Variants in PDE4D observed in about 807,000 individuals in gnomAD.
The protein encoded by PDE4D is 3',5'-cyclic-AMP phosphodiesterase 4D.
In PDE4D, 24 loss-of-function variants were observed where a neutral mutation model predicts 87.4. The observed-to-expected ratio is 0.27, with a 90% CI of 0.20 to 0.39. PDE4D has a LOEUF of 0.39. Ranked by LOEUF, PDE4D falls within the 10% of genes least tolerant of loss-of-function variation. The pLI, the probability that PDE4D is intolerant of heterozygous loss-of-function variation, is 1.00. For synonymous variants in PDE4D, 384 were observed against 383.2 expected, an observed-to-expected ratio of 1.00 and a Z score of -0.02; for missense variants, 714 against 1,041.0, an observed-to-expected ratio of 0.69 and a Z score of 4.32.
intron 5 of PDE4D, among the ~76,000 whole-genome samples, chr5:59,121,193 T>C (rs1774438989): frequency 1.3e-5 from 2 of 152,092 alleles, no homozygotes; most frequent in South Asian, 4.1e-4. Context: ...CAAAAATAGA[T>C]AAATGGGGCT....
intron 1 of PDE4D, among the ~76,000 whole-genome samples, chr5:60,462,989 C>T (rs538413214): frequency 6.3e-4 from 96 of 152,132 alleles, no homozygotes; most frequent in African/African-American, 2.3e-3. Context: ...GGTTGACATT[C>T]CAAATAAAAG....
intron 1 of PDE4D, among the ~76,000 whole-genome samples, chr5:60,318,880 G>A (rs544921635): frequency 6.6e-6 from 1 of 152,266 alleles, no homozygotes; most frequent in East Asian, 1.9e-4. Context: ...GCTTCCCTTT[G>A]TGGGTAACCC....
intron 2 of PDE4D, among the ~76,000 whole-genome samples, chr5:60,067,044 G>C (rs1230710601): frequency 6.6e-6 from 1 of 152,034 alleles, no homozygotes; most frequent in Non-Finnish European, 1.5e-5. Context: ...ACAAGCAATA[G>C]AAAGATAGCA....
At chr5:59,170,586 C>T (rs960925633) in intron 5 of PDE4D, among the ~76,000 whole-genome samples, 7 of 152,152 alleles carry the variant, frequency 4.6e-5, no homozygotes, top group African/African-American at 1.4e-4. Flanking sequence ...TCTACCTTTG[C>T]TAACTACTGG....
intron 2 of PDE4D, among the ~76,000 whole-genome samples, chr5:59,206,303 T>A (rs562276657): frequency 6.6e-6 from 1 of 152,330 alleles, no homozygotes; most frequent in Non-Finnish European, 1.5e-5. Flanking sequence ...GTCTGCTTGA[T>A]GCTTTCTTTC....
chr5:59,118,679 T>C (rs1020623688), intron 5 of PDE4D, among the ~76,000 whole-genome samples: 6 of 152,178 alleles, frequency 3.9e-5, no homozygotes. Context: ...ACTGAGGGAG[T>C]ATCCCTGAGG....
intron 1 of PDE4D, among the ~76,000 whole-genome samples, chr5:60,221,104 G>A (rs1744444386): frequency 6.6e-6 from 1 of 152,050 alleles, no homozygotes; most frequent in Non-Finnish European, 1.5e-5. Flanking sequence ...AATTGAAAGT[G>A]ATGCTTAAAA....
chr5:59,342,955 C>G (rs1778995775), intron 1 of PDE4D, among the ~76,000 whole-genome samples: 1 of 146,816 alleles, frequency 6.8e-6, no homozygotes, highest in Non-Finnish European at 1.5e-5. Flanking sequence ...AAAATCTACT[C>G]TCTTAGAAAT....
At chr5:59,279,845 GA>G (rs1486546418) in intron 1 of PDE4D, among the ~76,000 whole-genome samples, 2 of 151,554 alleles carry the variant, frequency 1.3e-5, no homozygotes, top group Non-Finnish European at 3.0e-5. Flanking sequence ...AAGACAGAAA[GA>G]AAAGAGGAAG....
chr5:59,569,876 G>A (rs983205452), intron 1 of PDE4D, among the ~76,000 whole-genome samples: 1 of 152,182 alleles, frequency 6.6e-6, no homozygotes, highest in Non-Finnish European at 1.5e-5. Context: ...AGGTCTGAAT[G>A]ATGCAGGGTC....
chr5:59,334,738 A>G (rs1363320354), intron 1 of PDE4D, among the ~76,000 whole-genome samples: 2 of 152,078 alleles, frequency 1.3e-5, no homozygotes, highest in African/African-American at 2.4e-5. Flanking sequence ...TAATATTGGA[A>G]CAGAACTTGA....
chr5:59,506,599 T>C (rs1809309095), intron 1 of PDE4D, among the ~76,000 whole-genome samples: 1 of 152,130 alleles, frequency 6.6e-6, no homozygotes, highest in Non-Finnish European at 1.5e-5. Context: ...TGAGATGATA[T>C]TTTATACAAT....
At chr5:60,376,186 T>C (rs1438716860) in intron 1 of PDE4D, among the ~76,000 whole-genome samples, 10 of 152,192 alleles carry the variant, frequency 6.6e-5, no homozygotes, top group African/African-American at 2.4e-5. Context: ...TATTATCTTA[T>C]AGTTATGAAT....
chr5:59,381,777 A>G (rs757423785), intron 1 of PDE4D, among the ~76,000 whole-genome samples: 7 of 152,168 alleles, frequency 4.6e-5, no homozygotes, highest in Non-Finnish European at 1.0e-4. Context: ...ATAGTTAATA[A>G]GAGCTTTTTT....
chr5:59,391,373 C>T (rs1788206728), intron 1 of PDE4D, among the ~76,000 whole-genome samples: 1 of 152,104 alleles, frequency 6.6e-6, no homozygotes, highest in African/African-American at 2.4e-5. Context: ...AAAATTCCTG[C>T]TTTGTCTCAG....
chr5:59,782,315 A>G (rs1397488579), intron 1 of PDE4D, among the ~76,000 whole-genome samples: 3 of 152,216 alleles, frequency 2.0e-5, no homozygotes, highest in African/African-American at 7.2e-5. Context: ...AGATACAAGT[A>G]TTGCTAATAT....
At chr5:59,682,643 T>C (rs1203988654) in intron 1 of PDE4D, among the ~76,000 whole-genome samples, 1 of 152,090 alleles carries the variant, frequency 6.6e-6, no homozygotes, top group Non-Finnish European at 1.5e-5. Context: ...CCCAGAGAAC[T>C]CTCTCTTCCT....
intron 1 of PDE4D, among the ~76,000 whole-genome samples, chr5:60,337,351 C>CAAAAAA (rs1491477498): frequency 3.2e-5 from 2 of 62,260 alleles, no homozygotes; most frequent in South Asian, 1.1e-3. Context: ...AACAAACAAA[C>CAAAAAA]TATATATATA....
At chr5:58,979,211 T>C (rs565724767) in intron 11 of PDE4D, among the ~76,000 whole-genome samples, 1 of 152,278 alleles carries the variant, frequency 6.6e-6, no homozygotes, top group East Asian at 1.9e-4. Flanking sequence ...TGGATATAAG[T>C]AGGGCCTTTC....
Sources: allele counts gnomAD v4.1 joint callset (sites outside exome capture counted in the v4.1 genomes callset), GRCh38; gene constraint gnomAD v4.1.1; transcripts MANE v1.5; gene names NCBI Gene and HGNC (gene_info 2026-07-23, HGNC 2026-07-21).